The following GARNL3 variants were observed in gnomAD, a reference collection of about 807,000 sequenced individuals.
The protein encoded by GARNL3 is GTPase-activating Rap/Ran-GAP domain-like protein 3.
In GARNL3, 63 loss-of-function variants were observed where a neutral mutation model predicts 125.0. That is an observed-to-expected ratio of 0.50 (90% confidence interval 0.41 to 0.62). GARNL3 has a LOEUF of 0.62. Among genes scored for constraint, GARNL3 ranks in the 20% least tolerant of loss-of-function variants. The probability of loss-of-function intolerance (pLI) is 0.00; values close to 1 mark genes in which losing one functional copy is unlikely to be tolerated. For missense variants in GARNL3, 994 were observed against 1,244.0 expected (o/e 0.80, Z 3.02); for synonymous variants, 439 against 457.5 (o/e 0.96, Z 0.52).
chr9:127,331,720 C>CTTGCTTTTTTTTTTTTTTT (rs367597623), intron 7 of GARNL3, among the ~76,000 whole-genome samples: 2 of 74,416 alleles, frequency 2.7e-5, no homozygotes, highest in African/African-American at 9.6e-5. Flanking sequence ...CTTGGGCTTG[C>CTTGCTTTTTTTTTTTTTTT]TTTTTTTTTT....
chr9:127,330,359 T>G (rs990251689), intron 7 of GARNL3, among the ~76,000 whole-genome samples: 9 of 152,226 alleles, frequency 5.9e-5, no homozygotes, highest in African/African-American at 1.9e-4. Context: ...CCTGGAAACA[T>G]TCTAAGAAAT....
At chr9:127,253,081 A>G (rs1412091364) in intron 2 of GARNL3, among the ~76,000 whole-genome samples, 3 of 152,210 alleles carry the variant, frequency 2.0e-5, no homozygotes, top group Non-Finnish European at 2.9e-5. Context: ...TCAAAAACAA[A>G]TTTCATGAAT....
At chr9:127,292,828 T>TCA (rs2131376811) in intron 2 of GARNL3, among the ~76,000 whole-genome samples, 2 of 152,186 alleles carry the variant, frequency 1.3e-5, no homozygotes, top group African/African-American at 4.8e-5. Context: ...TGATCAGGAG[T>TCA]GGCTTAAGAG....
upstream of GARNL3, among the ~76,000 whole-genome samples, chr9:127,259,424 GGTAC>G: frequency 6.6e-6 from 1 of 152,190 alleles, no homozygotes; most frequent in East Asian, 1.9e-4. Flanking sequence ...AGTTCTTTTT[GGTAC>G]TTGCCTTGTT....
In GARNL3 at chr9:127,337,343, GA is replaced by G. The variant is rs559198735; in HGVS notation, c.983-771del. Among the ~76,000 whole-genome samples, 73 of 152,262 alleles carry G rather than the reference GA, an allele frequency of 4.8e-4. 2 individuals carry two copies. In the South Asian group the frequency reaches 9.3e-3, roughly 19 times the overall value. ...ATTGAGAGGTAGTCATTATTTTTTAGAATTTCCCTGAGTTATACGTTTTAGA... is the reference window on the plus strand; with the variant it reads ...ATTGAGAGGTAGTCATTATTTTTTAGATTTCCCTGAGTTATACGTTTTAGA... On this transcript the variant is annotated intron_variant, in intron 11 of 27. Transcript: ENST00000373387.
intron 1 of GARNL3, among the ~76,000 whole-genome samples, chr9:127,278,677 G>A (rs2064021758): frequency 6.6e-6 from 1 of 152,148 alleles, no homozygotes; most frequent in Non-Finnish European, 1.5e-5. Flanking sequence ...ATCACAAACT[G>A]GGTGGCTGGG....
At chr9:127,270,424 CCTGT>C (rs901127615) in intron 1 of GARNL3, among the ~76,000 whole-genome samples, 1 of 152,106 alleles carries the variant, frequency 6.6e-6, no homozygotes, top group African/African-American at 2.4e-5. Context: ...TGATCCTTAC[CCTGT>C]CTTTCTCTTT....
At chr9:127,271,557 A>G (rs576817781) in intron 1 of GARNL3, among the ~76,000 whole-genome samples, 1 of 150,564 alleles carries the variant, frequency 6.6e-6, no homozygotes, top group African/African-American at 2.5e-5. Context: ...CTTGTCTCTC[A>G]TGGCAGCATT....
At chr9:127,286,270 G>A (rs1217454385) in intron 1 of GARNL3, among the ~76,000 whole-genome samples, 1 of 152,166 alleles carries the variant, frequency 6.6e-6, no homozygotes, top group East Asian at 1.9e-4. Flanking sequence ...GCTTTGGAGG[G>A]GTAAGATCTC....
chr9:127,260,320 G>A (rs960473253), upstream of GARNL3, among the ~76,000 whole-genome samples: 1 of 152,176 alleles, frequency 6.6e-6, no homozygotes, highest in African/African-American at 2.4e-5. Context: ...TTTGTGGACC[G>A]CCTGCATCAG....
At chr9:127,332,958 C>A in intron 8 of GARNL3, 65 bp from the exon 9 acceptor site, 1 of 1,105,342 alleles carries the variant, frequency 9.0e-7, no homozygotes, top group Non-Finnish European at 1.4e-6. Context: ...CGATTCCGGT[C>A]CATAGTTAGA....
chr9:127,385,218 G>C lies in GARNL3; in HGVS notation c.2388+73G>C. The C allele has an allele frequency of 1.2e-6, 1 of 853,232 alleles. No individual in the cohort carries two copies. Among genetic ancestry groups the C allele is most frequent in the Non-Finnish European group, 1.8e-6 (1 of 548,508 alleles). 52.9% of individuals were successfully genotyped at this position (853,232 alleles called of 1,614,324 possible). The stretch of plus-strand genomic sequence containing the variant: ...CACTGTGGGATTTCAGGTGAGCACA[G>C]AAGCCGCCTCTTGTCAAGTTAGGCT... On this transcript the variant is annotated intron_variant, in intron 24 of 27. Coordinates refer to ENST00000373387, the MANE Select transcript of GARNL3 (RefSeq NM_032293.5). This position sits in a 1 kb window ranked among gnomAD's most constrained non-coding sequence, Gnocchi z 4.1.
At chr9:127,389,912 C>T (rs951474064) in intron 26 of GARNL3, among the ~76,000 whole-genome samples, 13 of 136,958 alleles carry the variant, frequency 9.5e-5, no homozygotes, top group Non-Finnish European at 9.3e-5. Context: ...CAGAGTGACA[C>T]CCTGTCTTTA....
intron 22 of GARNL3, among the ~76,000 whole-genome samples, chr9:127,374,192 T>C (rs906039298): frequency 2.0e-5 from 3 of 151,940 alleles, no homozygotes; most frequent in Non-Finnish European, 4.4e-5. Context: ...TCCCAGCTAA[T>C]TGGGAGGCTG....
intron 12 of GARNL3, among the ~76,000 whole-genome samples, chr9:127,339,405 G>A (rs962468580): frequency 1.3e-5 from 2 of 152,106 alleles, no homozygotes; most frequent in African/African-American, 4.8e-5. Context: ...GGCGGCAAGA[G>A]AAAATGAGGA....
chr9:127,240,289 G>T (rs556023954), intron 1 of GARNL3, among the ~76,000 whole-genome samples: 2 of 152,154 alleles, frequency 1.3e-5, no homozygotes, highest in African/African-American at 4.8e-5. Flanking sequence ...TCCCTTTACC[G>T]TTTCTGTGCT....
intron 1 of GARNL3, among the ~76,000 whole-genome samples, chr9:127,285,879 T>C (rs1221606792): frequency 6.6e-6 from 1 of 152,254 alleles, no homozygotes; most frequent in Non-Finnish European, 1.5e-5. Context: ...ATTGCTTTAT[T>C]GTATTTAATA....
intron 7 of GARNL3, among the ~76,000 whole-genome samples, chr9:127,328,498 C>T (rs928244939): frequency 1.3e-5 from 2 of 152,108 alleles, no homozygotes; most frequent in African/African-American, 4.8e-5. Context: ...ATGTCAGTGT[C>T]CTGAAACCCA....
At position 127,387,287 on chromosome 9, in the gene GARNL3, C is replaced by A. The variant is rs1036632843; in HGVS notation, c.2483C>A (p.Pro828His). ...AGTGCCCGAAATTCTCCTCAGACAC[C>A]CCCGGGCCGAGATACTCCAGTATTT... ...GASARNSPQT[P>H]PGRDTPVFPS... The change falls in exon 25 of 28, where the codon CCC becomes CAC. Residue 828 changes from proline (P) to histidine (H), a missense_variant. Pro to His is a moderately conservative substitution (Grantham distance 77, BLOSUM62 -2). Transcript: ENST00000373387. The A allele has an allele frequency of 1.3e-5, 21 of 1,614,042 alleles. No homozygotes were observed. The highest frequency in any genetic ancestry group is 1.8e-5 in the Non-Finnish European group (21 of 1,180,022).
Sources: gnomAD v4.1 joint callset for allele counts (sites outside exome capture counted in the v4.1 genomes callset) on GRCh38, gnomAD v4.1.1 for gene constraint, Gnocchi (gnomAD v3.1) non-coding constraint, MANE v1.5 for transcripts, NCBI Gene and HGNC (gene_info 2026-07-23, HGNC 2026-07-21) for gene names.